Variants in MKI67 observed in about 807,000 individuals in gnomAD.
The protein encoded by MKI67 is marker of proliferation Ki-67.
MKI67 carries 152 observed loss-of-function variants against 233.5 expected under a neutral mutation model. That is an observed-to-expected ratio of 0.65 (90% CI 0.57 to 0.74). MKI67 has a LOEUF of 0.74. MKI67 is among the 30% of genes least tolerant of loss of function. The probability of loss-of-function intolerance (pLI) is 0.00; values close to 1 mark genes in which losing one functional copy is unlikely to be tolerated. For missense variants in MKI67, 3,940 were observed against 3,885.2 expected (o/e 1.01, Z -0.37); for synonymous variants, 1,465 against 1,418.5 (o/e 1.03, Z -0.74).
At chr10:128,113,355 G>A in intron 8 of MKI67, 72 bp downstream of exon 8, 1 of 1,432,840 alleles carries the variant, frequency 7.0e-7, no homozygotes, top group South Asian at 1.2e-5. Flanking sequence ...ACTTGTGTCA[G>A]TATTTGGAAA....
chr10:128,114,774 G>A (rs937366318), intron 7 of MKI67, among the ~76,000 whole-genome samples, 154 bp downstream of exon 7: 6 of 152,094 alleles, frequency 3.9e-5, no homozygotes, highest in Admixed American at 2.6e-4. Flanking sequence ...TCATCTATTA[G>A]CGAAAACAGC....
chr10:128,115,251 C>A lies in MKI67; in HGVS notation c.1157G>T (p.Gly386Val). Residue 386 changes from glycine (G) to valine (V), a missense_variant, in exon 7 of 15, where the codon GGT becomes GTT. Gly to Val is a moderately radical substitution (Grantham distance 109). Transcript: ENST00000368654. ...NLGKSEGFKAGDKTLTPRKLS... is the reference protein window; with the variant it reads ...NLGKSEGFKAVDKTLTPRKLS... ...CTTCCTGGGAGTAAGAGTTTTATCA[C>A]CAGCCTTGAAGCCTTCACTTTTACC... is the stretch of plus-strand genomic sequence containing the variant. The A allele has an allele frequency of 6.2e-7, 1 of 1,614,240 alleles. No homozygotes were observed. The highest frequency in any genetic ancestry group is 2.2e-5 in the East Asian group (1 of 44,892).
chr10:128,110,531 T>G lies in MKI67; in HGVS notation c.2263A>C (p.Ile755Leu), dbSNP rs938528927. The change falls in exon 12 of 15, where the codon ATA becomes CTA. Residue 755 changes from isoleucine to leucine, a missense_variant and splice_region_variant. Coordinates refer to ENST00000368654, the MANE Select transcript of MKI67 (RefSeq NM_002417.5). ...ACTGGGGTCTTGAACATTTCAGCTATTCCTGTTAAATGAAAATATTTGAAA... is the reference window on the plus strand; with the variant it reads ...ACTGGGGTCTTGAACATTTCAGCTAGTCCTGTTAAATGAAAATATTTGAAA... ...KMDFKEDLSG[I>L]AEMFKTPVKE... 1 of 1,541,280 alleles carries G rather than the reference T, an allele frequency of 6.5e-7. No individual in the cohort carries two copies. The highest frequency in any genetic ancestry group is 8.9e-7 in the Non-Finnish European group (1 of 1,128,992).
Position 128,104,427 on chromosome 10 carries a change from T to C in MKI67, c.7413A>G (p.Ser2471=), listed in dbSNP as rs1852423639. The stretch of plus-strand genomic sequence containing the variant: ...GCTTGGAGCTTCTTGAGGTTTTGAA[T>C]GACTCTGGCTGTGGAGATTTACAGG... ...EVSCKSPQPE[S]FKTSRSSKQR... Residue 2471 remains serine, a synonymous_variant, in exon 13 of 15, where the codon TCA becomes TCG. Transcript: ENST00000368654. 1.9e-6 allele frequency: 3 copies of C among 1,614,066 alleles called. No individual in the cohort carries two copies. In the South Asian group the frequency reaches 3.3e-5, roughly 18 times the overall value.
In MKI67 at chr10:128,111,642, T is replaced by C. The variant is rs1205247107; in HGVS notation, c.2260+3A>G. ...TTTATAAGATCTAAGACTACGTTTT[T>C]ACCTGAAAGATCTTCCTTAAAGTCC... is the stretch of plus-strand genomic sequence containing the variant. On this transcript the variant is annotated splice_donor_region_variant and intron_variant, in intron 11 of 14. Transcript: ENST00000368654. 2 of 1,608,940 alleles carry C rather than the reference T, an allele frequency of 1.2e-6. No homozygotes were observed. Among genetic ancestry groups the C allele is most frequent in the Admixed American group, 1.7e-5 (1 of 58,838 alleles).
chr10:128,104,646 T>G lies in MKI67; in HGVS notation c.7194A>C (p.Lys2398Asn). 2 of 1,613,862 alleles carry G rather than the reference T, an allele frequency of 1.2e-6. No individual in the cohort carries two copies. The highest frequency in any genetic ancestry group is 1.7e-6 in the Non-Finnish European group (2 of 1,179,978). ...DTPKPAVSDE[K>N]NINTFVETPV... is the part of the protein sequence containing the mutation. ...GAGTTTCCACAAATGTGTTGATATT[T>G]TTCTCATCACTTACTGCTGGTTTTG... The change falls in exon 13 of 15, where the codon AAA becomes AAC. Residue 2398 changes from lysine to asparagine, a missense_variant. Physicochemically the swap from Lys to Asn is moderately conservative, Grantham distance 94. Coordinates refer to ENST00000368654, the MANE Select transcript of MKI67 (RefSeq NM_002417.5).
In MKI67 at chr10:128,101,282, C is replaced by T; in HGVS notation, c.9681G>A (p.Lys3227=). The T allele has an allele frequency of 6.2e-7, 1 of 1,614,156 alleles. No homozygotes were observed. The highest frequency in any genetic ancestry group is 1.3e-5 in the African/African-American group (1 of 75,068). ...CCTTCTTTGGATTTTCTGCACACCT[C>T]TTGACACTCCGCGTTACTCTCTGCA... is the stretch of plus-strand genomic sequence containing the variant. The part of the protein sequence containing the change: ...KSVQRVTRSV[K]RCAENPKKAE... Residue 3227 remains lysine, a synonymous_variant, in exon 14 of 15, where the codon AAG becomes AAA. Coordinates refer to ENST00000368654, the MANE Select transcript of MKI67 (RefSeq NM_002417.5).
In MKI67 at chr10:128,106,618, T is replaced by A. The variant is rs1193317021; in HGVS notation, c.5222A>T (p.Gln1741Leu). ...TGTTGGGGTGTCCACTAGGTCTGGC[T>A]GTGAAGCTCTGTAGGATACTTTGGT... ...KTTKVSYRAS[Q>L]PDLVDTPTSS... is the part of the protein sequence containing the mutation. The change falls in exon 13 of 15, where the codon CAG (glutamine) becomes CTG (leucine). Residue 1741 changes from glutamine to leucine, a missense_variant. By Grantham distance (113) the Gln-to-Leu change is moderately radical. Coordinates refer to ENST00000368654, the MANE Select transcript of MKI67 (RefSeq NM_002417.5). 1 of 1,614,218 alleles carries A rather than the reference T, an allele frequency of 6.2e-7. No homozygotes were observed.
In MKI67 at chr10:128,115,996, G is replaced by T. The variant is rs761058477; in HGVS notation, c.412C>A (p.Gln138Lys). ...SFSSDPDEKAQDSKAYSKITE... is the reference protein window; with the variant it reads ...SFSSDPDEKAKDSKAYSKITE... ...ATTTTTGAATAGGCCTTGGAATCTT[G>T]AGCTTTCTCATCTTGGCAATGAATT... is the stretch of plus-strand genomic sequence containing the variant. Residue 138 changes from glutamine to lysine, a missense_variant, in exon 7 of 15, where the codon CAA becomes AAA. Gln to Lys is a moderately conservative substitution (Grantham distance 53). Transcript: ENST00000368654. 16 of 1,579,782 alleles carry T rather than the reference G, an allele frequency of 1.0e-5. No individual in the cohort carries two copies. The East Asian group carries it at 3.6e-4, about 36-fold the overall frequency.
chr10:128,110,292 G>A (rs998948026), intron 12 of MKI67, 86 bp downstream of exon 12: 1 of 1,075,908 alleles, frequency 9.3e-7, no homozygotes, highest in Non-Finnish European at 1.3e-6. Flanking sequence ...TTGTTTTAGA[G>A]AAGTAATATC....
Position 128,105,441 on chromosome 10 carries a change from C to T in MKI67, c.6399G>A (p.Glu2133=). Residue 2133 remains glutamate (E), a synonymous_variant, in exon 13 of 15, where the codon GAG becomes GAA. Coordinates refer to ENST00000368654, the MANE Select transcript of MKI67 (RefSeq NM_002417.5). ...GTGTGAGCTGCTTCAGGGCTGAGAG[C>T]TCTTCCACTATATCCCTTTTCCCCA... is the stretch of plus-strand genomic sequence containing the variant. The part of the protein sequence containing the change: ...TPLGKRDIVE[E]LSALKQLTQT... 6.2e-7 allele frequency: 1 copy of T among 1,614,066 alleles called. No homozygotes were observed. The highest frequency in any genetic ancestry group is 8.5e-7 in the Non-Finnish European group (1 of 1,180,020).
rs770108490 is a variant in MKI67 at position 128,101,254 on chromosome 10, T to G, written c.9705+4A>C. The G allele has an allele frequency of 6.2e-7, 1 of 1,607,014 alleles. No homozygotes were observed. Among genetic ancestry groups the G allele is most frequent in the South Asian group, 1.1e-5 (1 of 90,804 alleles). ...TTAAAACAGGGAAACAGTAAATGGCTTACCTTCTTTGGATTTTCTGCACAC... is the reference window on the plus strand; with the variant it reads ...TTAAAACAGGGAAACAGTAAATGGCGTACCTTCTTTGGATTTTCTGCACAC... On this transcript the variant is annotated splice_donor_region_variant and intron_variant, in intron 14 of 14. Coordinates refer to ENST00000368654, the MANE Select transcript of MKI67 (RefSeq NM_002417.5).
At position 128,105,231 on chromosome 10, in the gene MKI67, TG is replaced by T; in HGVS notation, c.6608del (p.Thr2203AsnfsTer17). 1 of 1,614,128 alleles carries T rather than the reference TG, an allele frequency of 6.2e-7. No individual in the cohort carries two copies. The highest frequency in any genetic ancestry group is 8.5e-7 in the Non-Finnish European group (1 of 1,180,008). ...TCGTGGGCTTGTCAGTGCATATTGGTGTCTGGAAGAGCTCTTTCAAGCCAGC... is the reference window on the plus strand; with the variant it reads ...TCGTGGGCTTGTCAGTGCATATTGGTTCTGGAAGAGCTCTTTCAAGCCAGC... The part of the protein sequence containing the change: ...DLAGLKELFQ[T>X]PICTDKPTTH... On this transcript the variant is annotated frameshift_variant, in exon 13 of 15. Transcript: ENST00000368654. LOFTEE classifies it high-confidence loss of function.
rs1027897606 is a variant in MKI67, at chr10:128,101,228, T to C, written c.9705+30A>G. 8.2e-6 allele frequency: 13 copies of C among 1,590,304 alleles called. No homozygotes were observed. The Admixed American group carries it at 1.9e-4, about 23-fold the overall frequency. On this transcript the variant is annotated intron_variant, in intron 14 of 14. Coordinates refer to ENST00000368654, the MANE Select transcript of MKI67 (RefSeq NM_002417.5). ...AAATACATCAAAACATTCTGTGTCT[T>C]TTAAAACAGGGAAACAGTAAATGGC...
In MKI67 at chr10:128,108,667, G is replaced by C; in HGVS notation, c.3173C>G (p.Pro1058Arg). ...TCTGATGCTCTTGCCATCTCCTGCT[G>C]GCTCTCTGTGCGTGTGCGTGGTCTC... ...SGETTHTHREPAGDGKSIRTF... is the reference protein window; with the variant it reads ...SGETTHTHRERAGDGKSIRTF... The change falls in exon 13 of 15, where the codon CCA becomes CGA. Residue 1058 changes from proline (P) to arginine (R), a missense_variant. Transcript: ENST00000368654. 1 of 1,614,176 alleles carries C rather than the reference G, an allele frequency of 6.2e-7. No individual in the cohort carries two copies. Among genetic ancestry groups the C allele is most frequent in the South Asian group, 1.1e-5 (1 of 91,084 alleles).
chr10:128,120,308 T>C (rs1198479119), intron 4 of MKI67, among the ~76,000 whole-genome samples: 1 of 152,038 alleles, frequency 6.6e-6, no homozygotes, highest in African/African-American at 2.4e-5. Context: ...CTGGCCATCA[T>C]GGTGAAACGC....
intron 14 of MKI67, 66 bp from the exon 15 acceptor site, chr10:128,099,321 C>A (rs1852282867): frequency 1.6e-6 from 2 of 1,280,428 alleles, no homozygotes; most frequent in East Asian, 2.4e-5. Flanking sequence ...AATCGACCTC[C>A]TCTGCAAAAC....
Position 128,109,366 on chromosome 10 carries a change from G to A in MKI67, c.2474C>T (p.Ser825Phe). ...NAAKQPSDKCSASPPLRRQCI... is the reference protein window; with the variant it reads ...NAAKQPSDKCFASPPLRRQCI... Reference sequence around the variant, plus strand: ...CTGCCGTCTTAAGGGAGGGCTTGCAGAGCATTTATCAGATGGCTGTTTTGC... The same window carrying A: ...CTGCCGTCTTAAGGGAGGGCTTGCAAAGCATTTATCAGATGGCTGTTTTGC... The change falls in exon 13 of 15, where the codon TCT becomes TTT. Residue 825 changes from serine (S) to phenylalanine (F), a missense_variant. By Grantham distance (155) the Ser-to-Phe change is radical. Transcript: ENST00000368654. 6.2e-7 allele frequency: 1 copy of A among 1,614,192 alleles called. No individual in the cohort carries two copies. Among genetic ancestry groups the A allele is most frequent in the Non-Finnish European group, 8.5e-7 (1 of 1,180,024 alleles).
At position 128,098,543 on chromosome 10, in the gene MKI67, A is replaced by T. The variant is rs1852263320; in HGVS notation, c.*647T>A. ...AAAAGTATTCCCAAGAGACCAAGGC[A>T]AGCCACGAGTCACTCCTTACAGAAA... is the stretch of plus-strand genomic sequence containing the variant. On this transcript the variant is annotated 3_prime_UTR_variant, in exon 15 of 15. Transcript: ENST00000368654. The T allele has an allele frequency of 6.6e-6, 1 of 152,192 alleles. No homozygotes were observed. The highest frequency in any genetic ancestry group is 2.4e-5 in the African/African-American group (1 of 41,442). 9.4% of individuals were successfully genotyped at this position (152,192 alleles called of 1,614,324 possible).
Sources: allele counts gnomAD v4.1 joint callset (sites outside exome capture counted in the v4.1 genomes callset), GRCh38; gene constraint gnomAD v4.1.1; transcripts MANE v1.5; gene names NCBI Gene and HGNC (gene_info 2026-07-23, HGNC 2026-07-21).